The following BOC variants were observed in gnomAD, a reference collection of about 807,000 sequenced individuals.
The protein encoded by BOC is BOC cell adhesion associated, oncogene regulated.
Under a neutral mutation model 112.0 loss-of-function variants are expected in BOC, and 76 were observed. The ratio of observed to expected loss-of-function variants is 0.68; its 90% CI spans 0.56 to 0.82. BOC has a LOEUF of 0.82. Ranked by LOEUF, BOC falls within the 40% of genes least tolerant of loss-of-function variation. BOC has a pLI of 0.00. For synonymous variants in BOC, 580 were observed against 599.8 expected (o/e 0.97, Z 0.48); for missense variants, 1,309 against 1,511.7 (o/e 0.87, Z 2.22).
In BOC at chr3:113,287,397, T is replaced by C. The variant is rs936628872; in HGVS notation, c.*535T>C. ...AGAATCAATAATCCGTGGCAACATA[T>C]CTCTGTAAAAACAAACACTGTAACT... is the stretch of plus-strand genomic sequence containing the variant. On this transcript the variant is annotated 3_prime_UTR_variant, in exon 20 of 20. Transcript: ENST00000682979. The C allele has an allele frequency of 6.3e-6, 1 of 158,762 alleles. No individual in the cohort carries two copies. The highest frequency in any genetic ancestry group is 6.3e-5 in the Admixed American group (1 of 15,866). The allele number at this position is 158,762 out of a possible 1,614,324, so 9.8% of individuals were successfully genotyped here.
rs201334578 is a variant in BOC, at chr3:113,283,495, G to T, written c.2519G>T (p.Arg840Leu). 27 of 1,613,884 alleles carry T rather than the reference G, an allele frequency of 1.7e-5. No homozygotes were observed. In the East Asian group the frequency reaches 5.8e-4, roughly 35 times the overall value. Residue 840 changes from arginine (R) to leucine (L), a missense_variant, in exon 16 of 20, where the codon CGG (arginine) becomes CTG (leucine). Physicochemically the swap from Arg to Leu is moderately radical, Grantham distance 102. Coordinates refer to ENST00000682979, the MANE Select transcript of BOC (RefSeq NM_001378074.1). ...PQPPLPETIE[R>L]PVGTGAMVAR... ...CCGCCCCTTCCTGAAACCATAGAGC[G>T]GCCGGTGGGCACTGGGGCCATGGTG...
intron 13 of BOC, among the ~76,000 whole-genome samples, 196 bp from the exon 14 acceptor site, chr3:113,280,362 C>T (rs1949078164): frequency 6.6e-6 from 1 of 152,116 alleles, no homozygotes; most frequent in African/African-American, 2.4e-5. Context: ...TTAGGGACCT[C>T]TAGGCTAAAT....
rs560017139 is a variant in BOC at position 113,285,169 on chromosome 3, G to A, written c.2967-203G>A. Among the ~76,000 whole-genome samples the A allele has an allele frequency of 2.0e-5, 3 of 152,372 alleles. No individual in the cohort carries two copies. In the East Asian group the frequency reaches 5.8e-4, roughly 29 times the overall value. ...CACCTGACTTCACATTCTCCCACAT[G>A]GAGTAAAATGGAAATGGACTAGAAT... On this transcript the variant is annotated intron_variant, in intron 18 of 19. Coordinates refer to ENST00000682979, the MANE Select transcript of BOC (RefSeq NM_001378074.1).
intron 4 of BOC, among the ~76,000 whole-genome samples, chr3:113,263,207 C>T (rs967377893): frequency 1.3e-5 from 2 of 152,184 alleles, no homozygotes; most frequent in African/African-American, 4.8e-5. Flanking sequence ...CCTGAGGCTG[C>T]TAAGTCATCC....
At chr3:113,256,435 A>G (rs764917941) in intron 4 of BOC, among the ~76,000 whole-genome samples, 1 of 152,216 alleles carries the variant, frequency 6.6e-6, no homozygotes, top group Non-Finnish European at 1.5e-5. Flanking sequence ...AGAGCTGCTC[A>G]CTGATGCTCC....
chr3:113,279,975 C>A lies in BOC; in HGVS notation c.2175C>A (p.Val725=). 6.2e-7 allele frequency: 1 copy of A among 1,611,950 alleles called. No homozygotes were observed. The highest frequency in any genetic ancestry group is 1.1e-5 in the South Asian group (1 of 90,760). ...CTTATATCACCTTCACGGATGCGGT[C>A]AATGAGACCACCATCATGCTCAAGT... ...AGPYITFTDA[V]NETTIMLKWM... The change falls in exon 13 of 20, where the codon GTC becomes GTA. Residue 725 remains valine, a synonymous_variant. Transcript: ENST00000682979.
At chr3:113,223,459 T>C (rs577526737) in intron 2 of BOC, among the ~76,000 whole-genome samples, 1 of 152,324 alleles carries the variant, frequency 6.6e-6, no homozygotes, top group South Asian at 2.1e-4. Context: ...GATTATTAAG[T>C]AAAGTCCGTA....
Position 113,280,672 on chromosome 3 carries a change from C to A in BOC, c.2311+9C>A, listed in dbSNP as rs759181065. 1 of 1,572,944 alleles carries A rather than the reference C, an allele frequency of 6.4e-7. No individual in the cohort carries two copies. Among genetic ancestry groups the A allele is most frequent in the Non-Finnish European group, 8.8e-7 (1 of 1,142,548 alleles). ...GAAGGATATGGTGGAAGGTGAGACA[C>A]AGTTCTGTGTTTATAGCTTCTGCGT... is the stretch of plus-strand genomic sequence containing the variant. On this transcript the variant is annotated intron_variant, in intron 14 of 19. Transcript: ENST00000682979.
intron 6 of BOC, chr3:113,271,752 G>A (rs772666655): frequency 2.7e-4 from 44 of 165,282 alleles, no homozygotes; most frequent in Admixed American, 8.8e-4. Flanking sequence ...GAAGGTTGCT[G>A]AGGAACGGCA....
chr3:113,214,150 G>A (rs1938834948), intron 1 of BOC, among the ~76,000 whole-genome samples: 2 of 152,138 alleles, frequency 1.3e-5, no homozygotes, highest in South Asian at 4.2e-4. Flanking sequence ...AGGGTGTGGG[G>A]AAAAAATAGA....
chr3:113,272,965 A>C, intron 7 of BOC, 104 bp from the exon 8 acceptor site: 1 of 1,421,930 alleles, frequency 7.0e-7, no homozygotes. Context: ...AAAAAGCAAC[A>C]GCCAAAGGGC....
At chr3:113,244,449 T>G (rs1011437902) in intron 2 of BOC, among the ~76,000 whole-genome samples, 2 of 152,178 alleles carry the variant, frequency 1.3e-5, no homozygotes, top group East Asian at 3.8e-4. Flanking sequence ...AAACCGTTGT[T>G]TTTTTTCTCC....
chr3:113,220,075 C>T (rs77229320), intron 2 of BOC, among the ~76,000 whole-genome samples: 1 of 151,918 alleles, frequency 6.6e-6, no homozygotes, highest in African/African-American at 2.4e-5. Flanking sequence ...TTTTACTGGT[C>T]AGGAGAAGTG....
intron 2 of BOC, among the ~76,000 whole-genome samples, chr3:113,238,781 C>T (rs547748658): frequency 6.6e-6 from 1 of 152,354 alleles, no homozygotes; most frequent in South Asian, 2.1e-4. Flanking sequence ...ACCATACACA[C>T]ACCTTACAGG....
At position 113,245,266 on chromosome 3, in the gene BOC, T is replaced by C. The variant is rs181013042; in HGVS notation, c.-81-4456T>C. ...TTGATAAGCTTTCTTTCTCTTTTTT[T>C]AGAGACAGAGTCTTGCTCTGTTGCC... On this transcript the variant is annotated intron_variant, in intron 2 of 19. Transcript: ENST00000682979. Among the ~76,000 whole-genome samples the C allele has an allele frequency of 3.7e-3, 566 of 152,334 alleles. 10 individuals are homozygous for C. The highest frequency in any genetic ancestry group is 0.029 in the Admixed American group (439 of 15,300).
rs1047685593 is a variant in BOC, at chr3:113,278,226, G to C, written c.1674G>C (p.Glu558Asp). The change falls in exon 10 of 20, where the codon GAG becomes GAC. Residue 558 changes from glutamate (E) to aspartate (D), a missense_variant. Glu to Asp is a conservative substitution (Grantham distance 45). Coordinates refer to ENST00000682979, the MANE Select transcript of BOC (RefSeq NM_001378074.1). This position sits in a 1 kb window ranked among gnomAD's most constrained non-coding sequence, Gnocchi z 4.2. ...TGGCAGCTTACAACTGTGCGGGAGA[G>C]GGCCAGACAGCCATGGTCACCTTCC... Reference protein sequence around the residue: ...VEMAAYNCAGEGQTAMVTFRT... With the variant: ...VEMAAYNCAGDGQTAMVTFRT... The C allele has an allele frequency of 6.2e-7, 1 of 1,614,188 alleles. No individual in the cohort carries two copies. Among genetic ancestry groups the C allele is most frequent in the Non-Finnish European group, 8.5e-7 (1 of 1,180,036 alleles).
chr3:113,284,750 G>A (rs766623367), intron 17 of BOC, 32 bp from the exon 18 acceptor site: 24 of 1,604,296 alleles, frequency 1.5e-5, no homozygotes, highest in African/African-American at 4.0e-5. Flanking sequence ...ACTCCCCGGC[G>A]TGGCCGTCTC....
intron 2 of BOC, among the ~76,000 whole-genome samples, chr3:113,241,082 C>T (rs1309712247): frequency 1.3e-5 from 2 of 152,200 alleles, no homozygotes; most frequent in Non-Finnish European, 2.9e-5. Context: ...CATCCCAGCA[C>T]CACATCTGTG....
chr3:113,260,721 AAGAACAGAAC>A (rs1553737947), intron 4 of BOC, among the ~76,000 whole-genome samples: 228 of 92,240 alleles, frequency 2.5e-3, no homozygotes, highest in Non-Finnish European at 4.3e-3. Context: ...ACAGAACAGA[AAGAACAGAAC>A]AGAACAGAAC....
Sources: allele counts gnomAD v4.1 joint callset (sites outside exome capture counted in the v4.1 genomes callset), GRCh38; gene constraint gnomAD v4.1.1; non-coding constraint Gnocchi (gnomAD v3.1); transcripts MANE v1.5; gene names NCBI Gene and HGNC (gene_info 2026-07-23, HGNC 2026-07-21).